Variants in NME7 observed in about 807,000 individuals in gnomAD.
The protein encoded by NME7 is NME/NM23 family member 7, also known as nucleoside diphosphate kinase 7.
NME7 carries 41 observed loss-of-function variants against 49.1 expected under a neutral mutation model. The ratio of observed to expected loss-of-function variants is 0.83; its 90% CI spans 0.65 to 1.08. The LOEUF is 1.08. NME7 is among the 50% of genes least tolerant of loss of function. The pLI, the probability that NME7 is intolerant of heterozygous loss-of-function variation, is 0.00. For synonymous variants in NME7, 139 were observed against 150.6 expected (o/e 0.92, Z 0.56); for missense variants, 423 against 463.4 (o/e 0.91, Z 0.80).
chr1:169,335,645 C>T (rs1273868474), intron 1 of NME7, among the ~76,000 whole-genome samples: 10 of 149,704 alleles, frequency 6.7e-5, no homozygotes, highest in East Asian at 1.9e-4. Flanking sequence ...CAAACCTGCA[C>T]GTTCTGCACA....
At chr1:169,321,750 T>A (rs1369096153) in intron 3 of NME7, among the ~76,000 whole-genome samples, 1 of 152,206 alleles carries the variant, frequency 6.6e-6, no homozygotes, top group Admixed American at 6.5e-5. Flanking sequence ...CAGAAAGAGA[T>A]ATCATATTAC....
intron 1 of NME7, among the ~76,000 whole-genome samples, chr1:169,351,995 A>G (rs1323121636): frequency 6.6e-6 from 1 of 152,026 alleles, no homozygotes; most frequent in Non-Finnish European, 1.5e-5. Context: ...TACCAAACAT[A>G]TAAAGAACTA....
intron 11 of NME7, among the ~76,000 whole-genome samples, chr1:169,150,792 C>T (rs998824137): frequency 6.8e-6 from 1 of 147,836 alleles, no homozygotes; most frequent in Non-Finnish European, 1.5e-5. Flanking sequence ...GGAGCAAGTT[C>T]AGATAGGTAC....
intron 10 of NME7, among the ~76,000 whole-genome samples, chr1:169,217,540 A>AT (rs1260782868): frequency 6.6e-6 from 1 of 152,146 alleles, no homozygotes; most frequent in Non-Finnish European, 1.5e-5. Context: ...AATGTATTAC[A>AT]TTATATGTAG....
chr1:169,282,439 T>C (rs1046068201), intron 7 of NME7, among the ~76,000 whole-genome samples: 1 of 152,212 alleles, frequency 6.6e-6, no homozygotes, highest in Non-Finnish European at 1.5e-5. Flanking sequence ...TTTTTGTGTC[T>C]CTATCTCCTT....
At chr1:169,319,308 G>C (rs1558037230) in intron 3 of NME7, among the ~76,000 whole-genome samples, 1 of 152,096 alleles carries the variant, frequency 6.6e-6, no homozygotes, top group South Asian at 2.1e-4. Context: ...TCTAATATTA[G>C]AAAATGTATG....
chr1:169,341,821 C>T (rs1163034975), intron 1 of NME7, among the ~76,000 whole-genome samples: 1 of 152,130 alleles, frequency 6.6e-6, no homozygotes, highest in African/African-American at 2.4e-5. Flanking sequence ...TTGTATAGGG[C>T]CTGTGGCCTC....
At chr1:169,311,416 C>CAAAA (rs34576386) in intron 3 of NME7, among the ~76,000 whole-genome samples, 28 of 83,568 alleles carry the variant, frequency 3.4e-4, no homozygotes, top group African/African-American at 4.4e-4. Context: ...GACTCCATCT[C>CAAAA]AAAAAAAAAA....
chr1:169,195,576 A>G (rs577468928), intron 10 of NME7, among the ~76,000 whole-genome samples: 8 of 152,308 alleles, frequency 5.3e-5, no homozygotes, highest in African/African-American at 1.9e-4. Context: ...TCCAACTATA[A>G]GATGAACATC....
chr1:169,286,816 T>A (rs1414955021), intron 7 of NME7: 1 of 153,078 alleles, frequency 6.5e-6, no homozygotes, highest in Non-Finnish European at 1.5e-5. Flanking sequence ...TGAAACCCTG[T>A]CTCTACTAAA....
At chr1:169,306,473 T>A (rs1651175561) in intron 4 of NME7, among the ~76,000 whole-genome samples, 1 of 152,088 alleles carries the variant, frequency 6.6e-6, no homozygotes, top group Non-Finnish European at 1.5e-5. Context: ...ATGCCTAAAC[T>A]AAGGGGCTGC....
chr1:169,300,589 C>T (rs1195113218), intron 5 of NME7, among the ~76,000 whole-genome samples: 1 of 152,026 alleles, frequency 6.6e-6, no homozygotes, highest in African/African-American at 2.4e-5. Context: ...ATTATCTGTT[C>T]TATGTCAAGG....
intron 10 of NME7, among the ~76,000 whole-genome samples, chr1:169,217,491 C>T (rs1175829016): frequency 1.3e-5 from 2 of 152,178 alleles, no homozygotes; most frequent in East Asian, 3.9e-4. Context: ...AAAATTAATG[C>T]CATCTGTTTC....
intron 5 of NME7, among the ~76,000 whole-genome samples, chr1:169,302,611 G>C (rs1650992897): frequency 6.6e-6 from 1 of 152,038 alleles, no homozygotes. Flanking sequence ...GGGACTACTA[G>C]AGTGGGAGAA....
chr1:169,240,012 T>C (rs1648012038), intron 7 of NME7, among the ~76,000 whole-genome samples: 1 of 151,982 alleles, frequency 6.6e-6, no homozygotes, highest in Non-Finnish European at 1.5e-5. Flanking sequence ...AGCTCTTAGA[T>C]AGTACTGAAG....
intron 11 of NME7, among the ~76,000 whole-genome samples, chr1:169,159,021 C>A (rs1659164308): frequency 6.6e-6 from 1 of 152,080 alleles, no homozygotes; most frequent in Non-Finnish European, 1.5e-5. Context: ...TCCCAAGTAA[C>A]AGAACTACAT....
intron 6 of NME7, among the ~76,000 whole-genome samples, chr1:169,291,667 AAT>A (rs1650509578): frequency 1.3e-5 from 2 of 151,750 alleles, no homozygotes; most frequent in Non-Finnish European, 1.5e-5. Context: ...TAATAATAAT[AAT>A]AAAAAGAAAT....
At chr1:169,266,543 A>G (rs940690981) in intron 7 of NME7, among the ~76,000 whole-genome samples, 2 of 134,036 alleles carry the variant, frequency 1.5e-5, no homozygotes, top group Non-Finnish European at 3.5e-5. Flanking sequence ...CCAAAACAAG[A>G]CAAGGATGCC....
intron 10 of NME7, among the ~76,000 whole-genome samples, chr1:169,219,492 C>T (rs1661075262): frequency 6.6e-6 from 1 of 152,116 alleles, no homozygotes; most frequent in Non-Finnish European, 1.5e-5. Context: ...TGGAACCAAG[C>T]CCCCAAGATA....
Sources: gnomAD v4.1 joint callset for allele counts (sites outside exome capture counted in the v4.1 genomes callset) on GRCh38, gnomAD v4.1.1 for gene constraint, MANE v1.5 for transcripts, NCBI Gene and HGNC (gene_info 2026-07-23, HGNC 2026-07-21) for gene names.